Variants in TMEM201 observed in about 807,000 individuals in gnomAD.
TMEM201 encodes the protein RP13-15M17.2.
TMEM201 carries 26 observed loss-of-function variants against 63.4 expected under a neutral mutation model. The observed-to-expected ratio is 0.41, with a 90% CI of 0.30 to 0.57. The LOEUF (loss-of-function observed/expected upper bound fraction) is 0.57. TMEM201 is among the 20% of genes least tolerant of loss of function. The pLI, the probability that TMEM201 is intolerant of heterozygous loss-of-function variation, is 0.29. For missense variants in TMEM201, 794 were observed against 917.7 expected, an observed-to-expected ratio of 0.87 and a Z score of 1.74; for synonymous variants, 417 against 421.6, an observed-to-expected ratio of 0.99 and a Z score of 0.14.
At chr1:9,596,032 AC>A in intron 2 of TMEM201, 22 bp downstream of exon 2, 1 of 1,608,104 alleles carries the variant, frequency 6.2e-7, no homozygotes, top group East Asian at 2.2e-5. Flanking sequence ...AGGCAGGCGG[AC>A]GGGTGGGCAC....
At chr1:9,612,029 C>A (rs899409741) in intron 10 of TMEM201, 139 bp downstream of exon 10, 3 of 1,036,192 alleles carry the variant, frequency 2.9e-6, no homozygotes, top group Non-Finnish European at 4.1e-6. Flanking sequence ...GTAACCCACC[C>A]GGCGCCTCTG....
chr1:9,596,856 C>T lies in TMEM201; in HGVS notation c.235-3C>T. 4.4e-6 allele frequency: 7 copies of T among 1,581,746 alleles called. 1 individual carries two copies. Among genetic ancestry groups the T allele is most frequent in the Non-Finnish European group, 6.1e-6 (7 of 1,156,124 alleles). On this transcript the variant is annotated splice_region_variant and splice_polypyrimidine_tract_variant and intron_variant, in intron 2 of 10. Transcript: ENST00000340381. ...TGCCTCGAGTCCCACCTCTCTCCCG[C>T]AGAACGGCGACTACAACAAGCCGAT...
chr1:9,611,825 A>G lies in TMEM201; in HGVS notation c.1838A>G (p.Gln613Arg). The G allele has an allele frequency of 6.4e-7, 1 of 1,550,890 alleles. No homozygotes were observed. The highest frequency in any genetic ancestry group is 8.7e-7 in the Non-Finnish European group (1 of 1,146,984). The change falls in exon 10 of 11, where the codon CAG becomes CGG. Residue 613 changes from glutamine to arginine, a missense_variant. Transcript: ENST00000340381. ...RSIKKEDDSS[Q>R]SSTCVVDTTT... is the part of the protein sequence containing the mutation. Reference sequence around the variant, plus strand: ...ATCAAGAAAGAGGACGACTCTTCCCAGTCATCTACCTGTGTGGTGGACACC... The same window carrying G: ...ATCAAGAAAGAGGACGACTCTTCCCGGTCATCTACCTGTGTGGTGGACACC...
chr1:9,602,275 C>T lies in TMEM201; in HGVS notation c.1160+3C>T, dbSNP rs1319874501. The T allele has an allele frequency of 3.7e-6, 6 of 1,610,666 alleles. No individual in the cohort carries two copies. Among genetic ancestry groups the T allele is most frequent in the Non-Finnish European group, 5.1e-6 (6 of 1,179,678 alleles). On this transcript the variant is annotated splice_donor_region_variant and intron_variant, in intron 6 of 10. Transcript: ENST00000340381. ...CCACGGAGGTTCCGGCCCCGAAGGT[C>T]AGAGAAGCAGCCATGACTGCGGGGG... is the stretch of plus-strand genomic sequence containing the variant.
At chr1:9,600,977 T>G in intron 4 of TMEM201, 128 bp from the exon 5 acceptor site, 12 of 787,570 alleles carry the variant, frequency 1.5e-5, no homozygotes, top group Admixed American at 9.0e-5. Context: ...GAGTGGTGAG[T>G]TTTTGAACCA....
chr1:9,593,688 T>C (rs1643961009), intron 1 of TMEM201, among the ~76,000 whole-genome samples: 1 of 152,228 alleles, frequency 6.6e-6, no homozygotes, highest in Admixed American at 6.5e-5. Flanking sequence ...CCACAGCCCC[T>C]GCTCAGCTGT....
intron 6 of TMEM201, 200 bp downstream of exon 6, chr1:9,602,472 G>T (rs974069705): frequency 8.4e-6 from 12 of 1,433,448 alleles, no homozygotes; most frequent in Non-Finnish European, 1.0e-5. Context: ...TTCCTTTCGG[G>T]CACCACCAGC....
In TMEM201 at chr1:9,605,430, G is replaced by A. The variant is rs540643992; in HGVS notation, c.1161-2127G>A. Among the ~76,000 whole-genome samples the A allele has an allele frequency of 2.2e-4, 33 of 152,296 alleles. No individual in the cohort carries two copies. Among genetic ancestry groups the A allele is most frequent in the Admixed American group, 5.9e-4 (9 of 15,306 alleles). On this transcript the variant is annotated intron_variant, in intron 6 of 10. Coordinates refer to ENST00000340381, the MANE Select transcript of TMEM201 (RefSeq NM_001130924.3). This position sits in a 1 kb window ranked among gnomAD's most constrained non-coding sequence, Gnocchi z 5.7. ...TGGTCTCTTAGTCCCTCTCTGAGAC[G>A]TGGTTTGAGGGCACAGGGCAGTCGG...
At chr1:9,596,046 G>C (rs778135781) in intron 2 of TMEM201, 36 bp downstream of exon 2, 2 of 1,603,080 alleles carry the variant, frequency 1.2e-6, no homozygotes, top group Non-Finnish European at 8.5e-7. Flanking sequence ...GTGGGCACGC[G>C]GGGGTGGGGA....
At position 9,610,680 on chromosome 1, in the gene TMEM201, C is replaced by T. The variant is rs114072438; in HGVS notation, c.1640C>T (p.Pro547Leu). 1.3e-6 allele frequency: 2 copies of T among 1,550,606 alleles called. No individual in the cohort carries two copies. Among genetic ancestry groups the T allele is most frequent in the Admixed American group, 3.9e-5 (2 of 51,012 alleles). The change falls in exon 9 of 11, where the codon CCT (proline) becomes CTT (leucine). Residue 547 changes from proline (P) to leucine (L), a missense_variant. Physicochemically the swap from Pro to Leu is moderately conservative, Grantham distance 98. Transcript: ENST00000340381. The surrounding 1 kb of genome is among the most constrained non-coding windows in gnomAD (Gnocchi z 4.9). ...GQKLLLFPSP[P>L]GEAPTTPSSS... ...AAGCTGCTGCTGTTCCCGTCACCCC[C>T]TGGAGAGGCCCCCACCACGCCCAGC...
At chr1:9,612,193 A>G (rs1402140108) in intron 10 of TMEM201, among the ~76,000 whole-genome samples, 1 of 152,222 alleles carries the variant, frequency 6.6e-6, no homozygotes, top group Non-Finnish European at 1.5e-5. Flanking sequence ...GAGCTGCACT[A>G]GCCACATTTC....
intron 1 of TMEM201, among the ~76,000 whole-genome samples, chr1:9,590,398 G>C (rs777206813): frequency 6.6e-6 from 1 of 152,322 alleles, no homozygotes. Flanking sequence ...CCCAGGATGG[G>C]GGGTGTTGCC....
In TMEM201 at chr1:9,613,249, C is replaced by T. The variant is rs529872555; in HGVS notation, c.*166C>T. ...AGGACACCTGCCCCTCCTCACCTAACGGACTGCAGGGCTGAGCATGTGTCT... is the reference window on the plus strand; with the variant it reads ...AGGACACCTGCCCCTCCTCACCTAATGGACTGCAGGGCTGAGCATGTGTCT... On this transcript the variant is annotated 3_prime_UTR_variant, in exon 11 of 11. Coordinates refer to ENST00000340381, the MANE Select transcript of TMEM201 (RefSeq NM_001130924.3). The T allele has an allele frequency of 2.0e-4, 127 of 636,136 alleles. No homozygotes were observed. The East Asian group carries it at 2.9e-3, about 14-fold the overall frequency. The allele number at this position is 636,136 out of a possible 1,614,324, so 39.4% of individuals were successfully genotyped here.
Position 9,610,113 on chromosome 1 carries a change from A to C in TMEM201, c.1465+202A>C, listed in dbSNP as rs2100523131. The stretch of plus-strand genomic sequence containing the variant: ...ATGACAGTCTCTAGGATCAGATGGT[A>C]CCATGCTGCTCTGCCGTCCTCAGTG... On this transcript the variant is annotated intron_variant, in intron 8 of 10. Coordinates refer to ENST00000340381, the MANE Select transcript of TMEM201 (RefSeq NM_001130924.3). This position sits in a 1 kb window ranked among gnomAD's most constrained non-coding sequence, Gnocchi z 4.9. 1.3e-5 allele frequency among the ~76,000 whole-genome samples: 2 copies of C among 152,250 alleles called. No homozygotes were observed. Among genetic ancestry groups the C allele is most frequent in the Middle Eastern group, 6.8e-3 (2 of 292 alleles).
Position 9,595,942 on chromosome 1 carries a change from C to G in TMEM201, c.166C>G (p.Leu56Val), listed in dbSNP as rs752570153. The change falls in exon 2 of 11, where the codon CTG (leucine) becomes GTG (valine). Residue 56 changes from leucine to valine, a missense_variant. By Grantham distance (32) the Leu-to-Val change is conservative. Coordinates refer to ENST00000340381, the MANE Select transcript of TMEM201 (RefSeq NM_001130924.3). Reference protein sequence around the residue: ...VNCWFCNQDTLVPYGNRNCWD... With the variant: ...VNCWFCNQDTVVPYGNRNCWD... ...CTGCTGGTTCTGCAACCAGGATACG[C>G]TGGTGCCCTATGGGAACCGCAACTG... The G allele has an allele frequency of 1.2e-6, 2 of 1,613,748 alleles. No homozygotes were observed. The highest frequency in any genetic ancestry group is 3.3e-5 in the Admixed American group (2 of 60,022).
intron 1 of TMEM201, among the ~76,000 whole-genome samples, chr1:9,594,411 T>C (rs1272859255): frequency 6.6e-6 from 1 of 152,044 alleles, no homozygotes; most frequent in African/African-American, 2.4e-5. Flanking sequence ...CCCTGGGCCT[T>C]CCCCGCAGGG....
In TMEM201 at chr1:9,614,877, G is replaced by A. The variant is rs945216183; in HGVS notation, c.*1794G>A. 4.6e-5 allele frequency: 7 copies of A among 152,198 alleles called. No homozygotes were observed. The highest frequency in any genetic ancestry group is 1.7e-4 in the African/African-American group (7 of 41,436). The allele number at this position is 152,198 out of a possible 1,614,324, so 9.4% of individuals were successfully genotyped here. A position where few individuals can be genotyped will look rare whatever the true frequency, so the allele number is the denominator to read the frequency against. ...AAAAAAGATACAGCCTTTGAATGAT[G>A]CCTGCTGGCTGTCTGTATTCGTTTG... On this transcript the variant is annotated 3_prime_UTR_variant, in exon 11 of 11. Coordinates refer to ENST00000340381, the MANE Select transcript of TMEM201 (RefSeq NM_001130924.3).
Position 9,610,714 on chromosome 1 carries a change from T to C in TMEM201, c.1674T>C (p.Asp558=). The change falls in exon 9 of 11, where the codon GAT becomes GAC. Residue 558 remains aspartate (D), a synonymous_variant. Coordinates refer to ENST00000340381, the MANE Select transcript of TMEM201 (RefSeq NM_001130924.3). This position sits in a 1 kb window ranked among gnomAD's most constrained non-coding sequence, Gnocchi z 4.9. The stretch of plus-strand genomic sequence containing the variant: ...CCCCCACCACGCCCAGCAGCTCCGA[T>C]GAGCACTCGCCTCACAACGGCAGCC... ...GEAPTTPSSS[D]EHSPHNGSLF... The C allele has an allele frequency of 6.4e-7, 1 of 1,550,552 alleles. No homozygotes were observed. Among genetic ancestry groups the C allele is most frequent in the South Asian group, 1.2e-5 (1 of 84,062 alleles).
rs1260885932 is a variant in TMEM201, at chr1:9,610,836, TG to T, written c.1765+34del. 6.6e-7 allele frequency: 1 copy of T among 1,510,440 alleles called. No individual in the cohort carries two copies. Among genetic ancestry groups the T allele is most frequent in the African/African-American group, 1.4e-5 (1 of 72,228 alleles). 93.6% of individuals were successfully genotyped at this position (1,510,440 alleles called of 1,614,324 possible). Reference sequence around the variant, plus strand: ...GCCTTCTGACCACCCCAAGGGGCCGTGGGAGGGCCTCTGCTGCCAAGAGGCC... The same window carrying T: ...GCCTTCTGACCACCCCAAGGGGCCGTGGAGGGCCTCTGCTGCCAAGAGGCC... On this transcript the variant is annotated intron_variant, in intron 9 of 10. Coordinates refer to ENST00000340381, the MANE Select transcript of TMEM201 (RefSeq NM_001130924.3). This position sits in a 1 kb window ranked among gnomAD's most constrained non-coding sequence, Gnocchi z 4.9.
Sources: gnomAD v4.1 joint callset for allele counts (sites outside exome capture counted in the v4.1 genomes callset) on GRCh38, gnomAD v4.1.1 for gene constraint, Gnocchi (gnomAD v3.1) non-coding constraint, MANE v1.5 for transcripts, NCBI Gene and HGNC (gene_info 2026-07-23, HGNC 2026-07-21) for gene names.